SEMA5A: variants seen among roughly 807,000 people sequenced by gnomAD.
SEMA5A encodes the protein semaphorin 5A, also known as semaphorin-5A.
SEMA5A carries 55 observed loss-of-function variants against 135.5 expected under a neutral mutation model. The observed-to-expected ratio is 0.41, with a 90% CI of 0.33 to 0.51. The LOEUF (loss-of-function observed/expected upper bound fraction) is 0.51, where lower values mean the gene tolerates loss of function less well. SEMA5A is among the 20% of genes least tolerant of loss of function. The probability of loss-of-function intolerance (pLI) is 0.37; values close to 1 mark genes in which losing one functional copy is unlikely to be tolerated. For synonymous variants in SEMA5A, 580 were observed against 546.5 expected (o/e 1.06, Z -0.85); for missense variants, 1,290 against 1,419.9 (o/e 0.91, Z 1.47).
At chr5:9,166,037 TC>T (rs1743588384) in intron 11 of SEMA5A, among the ~76,000 whole-genome samples, 1 of 152,198 alleles carries the variant, frequency 6.6e-6, no homozygotes, top group Non-Finnish European at 1.5e-5. Context: ...GTTACCAGAT[TC>T]AACTAATGGC....
intron 11 of SEMA5A, among the ~76,000 whole-genome samples, chr5:9,156,635 G>T (rs1050602535): frequency 6.6e-6 from 1 of 152,188 alleles, no homozygotes; most frequent in Non-Finnish European, 1.5e-5. Context: ...TTCAGGGGTG[G>T]GTGGCCTGCC....
intron 3 of SEMA5A, among the ~76,000 whole-genome samples, chr5:9,345,612 CA>C (rs1753830116): frequency 6.6e-6 from 1 of 151,646 alleles, no homozygotes; most frequent in African/African-American, 2.4e-5. Flanking sequence ...TTTAAATGAC[CA>C]AAATTATATG....
intron 4 of SEMA5A, among the ~76,000 whole-genome samples, chr5:9,321,322 T>C (rs1752618480): frequency 6.6e-6 from 1 of 152,164 alleles, no homozygotes; most frequent in African/African-American, 2.4e-5. Context: ...AACTAGTACA[T>C]AGCGGCACCA....
At chr5:9,091,472 A>G (rs1739031287) in intron 16 of SEMA5A, among the ~76,000 whole-genome samples, 1 of 152,184 alleles carries the variant, frequency 6.6e-6, no homozygotes, top group South Asian at 2.1e-4. Flanking sequence ...TGTGCACCCG[A>G]GGAGAAGCCT....
At position 9,062,963 on chromosome 5, in the gene SEMA5A, G is replaced by C. The variant is rs769162684; in HGVS notation, c.2442C>G (p.Pro814=). 1.9e-6 allele frequency: 3 copies of C among 1,614,050 alleles called. No individual in the cohort carries two copies. Among genetic ancestry groups the C allele is most frequent in the African/African-American group, 2.7e-5 (2 of 74,916 alleles). ...AAGGCATTCCCCCATACTTGGGTTC[G>C]GGGTTGTTGCAAACACGCTTCCGGT... The part of the protein sequence containing the change: ...IRNRKRVCNN[P]EPKYGGMPCL... The change falls in exon 18 of 23, where the codon CCC becomes CCG. Residue 814 remains proline (P), a synonymous_variant. Coordinates refer to ENST00000382496, the MANE Select transcript of SEMA5A (RefSeq NM_003966.3).
intron 18 of SEMA5A, among the ~76,000 whole-genome samples, chr5:9,054,868 T>C (rs1048126633): frequency 6.6e-6 from 1 of 152,218 alleles, no homozygotes; most frequent in African/African-American, 2.4e-5. Context: ...GACTTGACAC[T>C]ATGTTTAAAT....
intron 11 of SEMA5A, 75 bp downstream of exon 11, chr5:9,190,192 A>G: frequency 6.8e-7 from 1 of 1,462,382 alleles, no homozygotes; most frequent in Non-Finnish European, 9.4e-7. Flanking sequence ...TTGAAATTGA[A>G]TGTTTAGAAT....
At chr5:9,215,872 T>G (rs1340477992) in intron 8 of SEMA5A, among the ~76,000 whole-genome samples, 1 of 152,142 alleles carries the variant, frequency 6.6e-6, no homozygotes, top group Non-Finnish European at 1.5e-5. Context: ...TTGAATGAGT[T>G]TTTATGTCTT....
Position 9,039,290 on chromosome 5 carries a change from T to C in SEMA5A, c.*3607A>G, listed in dbSNP as rs1358756836. ...TGCTGGGGTGACCAGGTCCTGCCTT[T>C]CACGTCACCTACTTATCCGACTATT... On this transcript the variant is annotated 3_prime_UTR_variant, in exon 23 of 23. Transcript: ENST00000382496. 6.6e-6 allele frequency: 1 copy of C among 152,466 alleles called. No individual in the cohort carries two copies. The highest frequency in any genetic ancestry group is 1.5e-5 in the Non-Finnish European group (1 of 68,246). The allele number at this position is 152,466 out of a possible 1,614,324, so 9.4% of individuals were successfully genotyped here.
chr5:9,173,757 A>G (rs952772743), intron 11 of SEMA5A, among the ~76,000 whole-genome samples: 3 of 152,212 alleles, frequency 2.0e-5, no homozygotes, highest in Non-Finnish European at 4.4e-5. Flanking sequence ...TGATTCTTCA[A>G]ACAAGGTCTC....
intron 5 of SEMA5A, among the ~76,000 whole-genome samples, chr5:9,285,373 C>T (rs957265389): frequency 5.9e-5 from 9 of 152,216 alleles, no homozygotes; most frequent in South Asian, 2.1e-4. Flanking sequence ...ATCACTGGGC[C>T]GTGAACCCGC....
intron 1 of SEMA5A, among the ~76,000 whole-genome samples, chr5:9,467,129 T>C (rs2387708): frequency 0.41 from 62,488 of 151,984 alleles, 13,344 homozygotes; most frequent in Non-Finnish European, 0.46. Flanking sequence ...CTTTTTTTTT[T>C]TGAGACGGAG....
At chr5:9,540,465 C>T (rs371633493) in intron 1 of SEMA5A, among the ~76,000 whole-genome samples, 2 of 150,474 alleles carry the variant, frequency 1.3e-5, no homozygotes, top group Admixed American at 6.6e-5. Context: ...GGGCATGTGG[C>T]GGACACCTGT....
chr5:9,105,494 T>C (rs574959548), intron 16 of SEMA5A, among the ~76,000 whole-genome samples: 2 of 152,358 alleles, frequency 1.3e-5, no homozygotes, highest in African/African-American at 2.4e-5. Context: ...TTCTGTATTA[T>C]ATAAATGACA....
intron 11 of SEMA5A, among the ~76,000 whole-genome samples, chr5:9,161,485 A>T (rs1279763836): frequency 6.6e-6 from 1 of 152,232 alleles, no homozygotes; most frequent in Non-Finnish European, 1.5e-5. Context: ...TTCCAAAAAA[A>T]TTATGTGATA....
At chr5:9,296,584 T>A (rs532318264) in intron 5 of SEMA5A, among the ~76,000 whole-genome samples, 1 of 152,288 alleles carries the variant, frequency 6.6e-6, no homozygotes, top group African/African-American at 2.4e-5. Flanking sequence ...AAATGTTTTT[T>A]AATTATGTAT....
At chr5:9,070,555 A>G (rs760405169) in intron 16 of SEMA5A, among the ~76,000 whole-genome samples, 1 of 152,184 alleles carries the variant, frequency 6.6e-6, no homozygotes, top group African/African-American at 2.4e-5. Context: ...CATTCTTTCT[A>G]TGGAGATGAA....
At chr5:9,503,147 A>G (rs1735682069) in intron 1 of SEMA5A, among the ~76,000 whole-genome samples, 1 of 151,672 alleles carries the variant, frequency 6.6e-6, no homozygotes, top group Admixed American at 6.6e-5. Flanking sequence ...GAGAGACAGA[A>G]TGAATGAATT....
chr5:9,051,063 T>TTTTG (rs1579304128), intron 20 of SEMA5A, among the ~76,000 whole-genome samples: 1 of 152,248 alleles, frequency 6.6e-6, no homozygotes, highest in Admixed American at 6.5e-5. Context: ...TGTACTGATT[T>TTTTG]TTTGTTAGAC....
Sources: gnomAD v4.1 joint callset for allele counts (sites outside exome capture counted in the v4.1 genomes callset) on GRCh38, gnomAD v4.1.1 for gene constraint, MANE v1.5 for transcripts, NCBI Gene and HGNC (gene_info 2026-07-23, HGNC 2026-07-21) for gene names.